Variants in CEP89 observed in about 807,000 individuals in gnomAD.
CEP89 encodes centrosomal protein 89.
In CEP89, 95 loss-of-function variants were observed where a neutral mutation model predicts 97.6. The ratio of observed to expected loss-of-function variants is 0.97; its 90% CI spans 0.82 to 1.15. The LOEUF is 1.15. Among genes scored for constraint, CEP89 ranks in the 50% most tolerant of loss-of-function variants. The pLI, the probability that CEP89 is intolerant of heterozygous loss-of-function variation, is 0.00. For synonymous variants in CEP89, 354 were observed against 349.1 expected, an observed-to-expected ratio of 1.01 and a Z score of -0.16; for missense variants, 869 against 947.7, an observed-to-expected ratio of 0.92 and a Z score of 1.09.
intron 18 of CEP89, among the ~76,000 whole-genome samples, chr19:32,881,042 C>A (rs1746839115): frequency 6.6e-6 from 1 of 152,178 alleles, no homozygotes; most frequent in African/African-American, 2.4e-5. Flanking sequence ...CAGGCATCAC[C>A]TGGGGACTAG....
In CEP89 at chr19:32,918,250, T is replaced by A; in HGVS notation, c.1358A>T (p.Asp453Val). 1 of 1,614,168 alleles carries A rather than the reference T, an allele frequency of 6.2e-7. No individual in the cohort carries two copies. Among genetic ancestry groups the A allele is most frequent in the Non-Finnish European group, 8.5e-7 (1 of 1,180,000 alleles). Residue 453 changes from aspartate to valine, a missense_variant, in exon 13 of 19, where the codon GAC becomes GTC. Transcript: ENST00000305768. ...QLEIQQRKAK[D>V]SHQERLQEVS... ...TTCTTGGAGGCGCTCCTGGTGGCTG[T>A]CCTTGGCTTTCCTTTGCTGAATCTC...
intron 14 of CEP89, 144 bp from the exon 15 acceptor site, chr19:32,901,556 C>T (rs1969771462): frequency 3.8e-6 from 3 of 780,622 alleles, no homozygotes; most frequent in Admixed American, 2.6e-5. Flanking sequence ...GAAACATCTC[C>T]CCATCCTGGG....
intron 11 of CEP89, among the ~76,000 whole-genome samples, chr19:32,925,300 G>A (rs1429820179): frequency 1.3e-5 from 2 of 152,086 alleles, no homozygotes; most frequent in Non-Finnish European, 2.9e-5. Context: ...AACGAGCTCC[G>A]CTGCGCGAAG....
At chr19:32,908,438 G>A (rs892024) in intron 14 of CEP89, among the ~76,000 whole-genome samples, 39,302 of 152,082 alleles carry the variant, frequency 0.26, 5,117 homozygotes, top group South Asian at 0.31. Flanking sequence ...GGATGGAGCC[G>A]GGAGTGTGAC....
chr19:32,950,000 A>G (rs1476110284), intron 4 of CEP89, among the ~76,000 whole-genome samples: 1 of 151,812 alleles, frequency 6.6e-6, no homozygotes, highest in African/African-American at 2.4e-5. Context: ...TTGAAGAAAG[A>G]AAAAGTAAAT....
chr19:32,876,907 T>C lies in CEP89; in HGVS notation c.*2255A>G, dbSNP rs984090257. 1 of 152,236 alleles carries C rather than the reference T, an allele frequency of 6.6e-6. No homozygotes were observed. Among genetic ancestry groups the C allele is most frequent in the Admixed American group, 6.5e-5 (1 of 15,290 alleles). The allele number at this position is 152,236 out of a possible 1,614,324, so 9.4% of individuals were successfully genotyped here. A position where few individuals can be genotyped will look rare whatever the true frequency, so the allele number is the denominator to read the frequency against. On this transcript the variant is annotated 3_prime_UTR_variant, in exon 19 of 19. Transcript: ENST00000305768. ...CAAAAGTGGACACTTCTCAAAAGAA[T>C]AAAATGTTTGCATAAAAGGCAGAAA...
At position 32,937,755 on chromosome 19, in the gene CEP89, C is replaced by T; in HGVS notation, c.625-82G>A. ...GGACACACGCAGCTAGGTCATTAGACAGCAGGTATATAAGCATGCTTTATT... is the reference window on the plus strand; with the variant it reads ...GGACACACGCAGCTAGGTCATTAGATAGCAGGTATATAAGCATGCTTTATT... On this transcript the variant is annotated intron_variant, in intron 6 of 18. Coordinates refer to ENST00000305768, the MANE Select transcript of CEP89 (RefSeq NM_032816.5). The T allele has an allele frequency of 4.3e-6, 4 of 937,194 alleles. No homozygotes were observed. In the South Asian group the frequency reaches 5.7e-5, roughly 13 times the overall value. The allele number at this position is 937,194 out of a possible 1,614,324, so 58.1% of individuals were successfully genotyped here. A position where few individuals can be genotyped will look rare whatever the true frequency, so the allele number is the denominator to read the frequency against.
rs1455977169 is a variant in CEP89 at position 32,902,004 on chromosome 19, C to CTGTGTG, written c.1566-593_1566-592insCACACA. 2.0e-3 allele frequency among the ~76,000 whole-genome samples: 198 copies of CTGTGTG among 100,300 alleles called. 2 individuals are homozygous for CTGTGTG. Among genetic ancestry groups the CTGTGTG allele is most frequent in the East Asian group, 8.5e-3 (34 of 3,984 alleles). 65.8% of individuals were successfully genotyped at this position (100,300 alleles called of 152,430 possible). ...TATGTCTCTGTCTCTCTGTCTCTCT[C>CTGTGTG]TCTCTCTGTGTGTGTGTGTGTGTGT... is the stretch of plus-strand genomic sequence containing the variant. On this transcript the variant is annotated intron_variant, in intron 14 of 18. Transcript: ENST00000305768.
At chr19:32,919,960 T>A (rs181335393) in intron 12 of CEP89, among the ~76,000 whole-genome samples, 35 of 152,152 alleles carry the variant, frequency 2.3e-4, no homozygotes, top group Non-Finnish European at 4.4e-4. Context: ...TTTGGACTAA[T>A]TTATAAGACT....
At chr19:32,927,123 C>A in intron 9 of CEP89, 139 bp from the exon 10 acceptor site, 1 of 672,712 alleles carries the variant, frequency 1.5e-6, no homozygotes, top group Non-Finnish European at 2.6e-6. Flanking sequence ...CACCCACCTA[C>A]CCACCTACCC....
rs1969193446 is a variant in CEP89, at chr19:32,877,376, G to C, written c.*1786C>G. 1 of 152,308 alleles carries C rather than the reference G, an allele frequency of 6.6e-6. No homozygotes were observed. Among genetic ancestry groups the C allele is most frequent in the East Asian group, 1.9e-4 (1 of 5,204 alleles). The allele number at this position is 152,308 out of a possible 1,614,324, so 9.4% of individuals were successfully genotyped here. A position where few individuals can be genotyped will look rare whatever the true frequency, so the allele number is the denominator to read the frequency against. ...GGGGCTCTGAAAAGGAGATGCTGCA[G>C]GGTGCCACCCCTGAGTCCCACAGTT... On this transcript the variant is annotated 3_prime_UTR_variant, in exon 19 of 19. Coordinates refer to ENST00000305768, the MANE Select transcript of CEP89 (RefSeq NM_032816.5).
intron 12 of CEP89, among the ~76,000 whole-genome samples, chr19:32,920,385 C>A (rs1350590297): frequency 6.6e-6 from 1 of 152,044 alleles, no homozygotes; most frequent in African/African-American, 2.4e-5. Flanking sequence ...TGAGCCATTT[C>A]TTTTTAAAAT....
chr19:32,897,855 C>G (rs1022460258), intron 16 of CEP89, among the ~76,000 whole-genome samples: 2 of 152,172 alleles, frequency 1.3e-5, no homozygotes, highest in Non-Finnish European at 2.9e-5. Context: ...AGCCACCATG[C>G]CTGGCCTGAA....
intron 5 of CEP89, among the ~76,000 whole-genome samples, chr19:32,940,642 A>T (rs1467668723): frequency 6.6e-6 from 1 of 152,200 alleles, no homozygotes; most frequent in African/African-American, 2.4e-5. Context: ...AGAGAGGAAA[A>T]CAAATCTCAC....
At chr19:32,914,577 C>T (rs1407242345) in intron 14 of CEP89, among the ~76,000 whole-genome samples, 1 of 152,004 alleles carries the variant, frequency 6.6e-6, no homozygotes, top group African/African-American at 2.4e-5. Context: ...CAGCCCAGTT[C>T]CACTATTTTA....
intron 13 of CEP89, 40 bp downstream of exon 13, chr19:32,918,184 G>C (rs748397564): frequency 7.0e-7 from 1 of 1,437,912 alleles, no homozygotes; most frequent in Non-Finnish European, 9.8e-7. Context: ...TGACAATAGT[G>C]ACATCAATGC....
chr19:32,878,749 A>C lies in CEP89; in HGVS notation c.*413T>G, dbSNP rs746641. On this transcript the variant is annotated 3_prime_UTR_variant, in exon 19 of 19. Coordinates refer to ENST00000305768, the MANE Select transcript of CEP89 (RefSeq NM_032816.5). ...TTGGGAGGCCAAGGCAGGAGGACAG[A>C]TTGAGGCCAGGAGTTCAAGACCAGC... 0.39 allele frequency: 61,452 copies of C among 156,398 alleles called. 12,529 individuals carry two copies. The highest frequency in any genetic ancestry group is 0.45 in the African/African-American group (18,925 of 41,664). 9.7% of individuals were successfully genotyped at this position (156,398 alleles called of 1,614,324 possible).
At chr19:32,947,255 T>C (rs1249952490) in intron 5 of CEP89, among the ~76,000 whole-genome samples, 2 of 152,146 alleles carry the variant, frequency 1.3e-5, no homozygotes, top group South Asian at 2.1e-4. Flanking sequence ...AATTCTCTCA[T>C]TGGGATAATC....
At chr19:32,929,273 A>C (rs138304138) in intron 9 of CEP89, among the ~76,000 whole-genome samples, 1 of 152,204 alleles carries the variant, frequency 6.6e-6, no homozygotes, top group African/African-American at 2.4e-5. Context: ...TAAGTGCCTT[A>C]AGAGTGATTA....
Sources: allele counts gnomAD v4.1 joint callset (sites outside exome capture counted in the v4.1 genomes callset), GRCh38; gene constraint gnomAD v4.1.1; transcripts MANE v1.5; gene names NCBI Gene and HGNC (gene_info 2026-07-23, HGNC 2026-07-21).